The following TTN variants were observed in gnomAD, a reference collection of about 807,000 sequenced individuals.
TTN encodes connectin.
In TTN, 1,525 loss-of-function variants were observed where a neutral mutation model predicts 3,223.0. The ratio of observed to expected loss-of-function variants is 0.47; its 90% confidence interval spans 0.45 to 0.49. The LOEUF is 0.49. Among genes scored for constraint, TTN ranks in the 20% least tolerant of loss-of-function variants. The pLI is 0.00. For synonymous variants in TTN, 14,094 were observed against 15,161.0 expected (o/e 0.93, Z 5.17); for missense variants, 40,786 against 43,424.0 (o/e 0.94, Z 5.40).
chr2:178,764,419 G>T, intron 42 of TTN, 108 bp downstream of exon 42: 1 of 1,609,286 alleles, frequency 6.2e-7, no homozygotes, highest in Non-Finnish European at 8.5e-7. Flanking sequence ...AAGTTGGGTA[G>T]CAATCTACTT....
At position 178,569,334 on chromosome 2, in the gene TTN, C is replaced by G; in HGVS notation, c.76798G>C (p.Asp25600His). 6.2e-7 allele frequency: 1 copy of G among 1,613,356 alleles called. No homozygotes were observed. The highest frequency in any genetic ancestry group is 1.3e-5 in the African/African-American group (1 of 75,002). ...KSAFVTVRVL[D>H]TPSPPVNLKV... is the part of the protein sequence containing the mutation. ...AGGTTAACAGGTGGACTTGGCGTGT[C>G]CAGAACTCTCACAGTAACAAAGGCA... is the stretch of plus-strand genomic sequence containing the variant. Residue 25600 changes from aspartate (D) to histidine (H), a missense_variant, in exon 326 of 363, where the codon GAC becomes CAC. Physicochemically the swap from Asp to His is moderately conservative, Grantham distance 81. Coordinates refer to ENST00000589042, the MANE Select transcript of TTN (RefSeq NM_001267550.2).
In TTN at chr2:178,569,155, A is replaced by G. The variant is rs1575718147; in HGVS notation, c.76977T>C (p.Ser25659=). 6.2e-7 allele frequency: 1 copy of G among 1,613,386 alleles called. No individual in the cohort carries two copies. The highest frequency in any genetic ancestry group is 1.1e-5 in the South Asian group (1 of 90,998). ...CTTCTTGGAGCTGATCGATTTTCCA[A>G]GAATTCTTATGGCAGTTAGTTACAA... ...AAVVTNCHKN[S]WKIDQLQEGC... is the part of the protein sequence containing the mutation. Residue 25659 remains serine, a synonymous_variant, in exon 326 of 363, where the codon TCT becomes TCC. Transcript: ENST00000589042.
In TTN at chr2:178,529,227, AG is replaced by A; in HGVS notation, c.106532-9del. 1 of 1,452,702 alleles carries A rather than the reference AG, an allele frequency of 6.9e-7. No homozygotes were observed. Among genetic ancestry groups the A allele is most frequent in the South Asian group, 1.5e-5 (1 of 67,220 alleles). The allele number at this position is 1,452,702 out of a possible 1,614,324, so 90.0% of individuals were successfully genotyped here. Reference sequence around the variant, plus strand: ...CCTCAGTATCTTTTATAGCTAAAAAAGAAACCTCTGTAAGGCAAACTTAATT... The same window carrying A: ...CCTCAGTATCTTTTATAGCTAAAAAAAAACCTCTGTAAGGCAAACTTAATT... On this transcript the variant is annotated splice_polypyrimidine_tract_variant and intron_variant, in intron 359 of 362. Coordinates refer to ENST00000589042, the MANE Select transcript of TTN (RefSeq NM_001267550.2).
chr2:178,632,239 G>A lies in TTN; in HGVS notation c.43655C>T (p.Ser14552Leu), dbSNP rs1454698596. The change falls in exon 236 of 363, where the codon TCG becomes TTG. Residue 14552 changes from serine (S) to leucine (L), a missense_variant. Ser to Leu is a moderately radical substitution (Grantham distance 145). Coordinates refer to ENST00000589042, the MANE Select transcript of TTN (RefSeq NM_001267550.2). ...AATAGACAGGTCTTTGAATGTGATC[G>A]AATGAGTTTTCCCTTCGTCTTGCAT... ...VSMQDEGKTH[S>L]ITFKDLSIDD... 6 of 1,607,534 alleles carry A rather than the reference G, an allele frequency of 3.7e-6. No homozygotes were observed. The highest frequency in any genetic ancestry group is 2.7e-5 in the African/African-American group (2 of 74,762).
At chr2:178,703,333 T>G (rs2075324928) in intron 106 of TTN, among the ~76,000 whole-genome samples, 1 of 152,110 alleles carries the variant, frequency 6.6e-6, no homozygotes, top group South Asian at 2.1e-4. Context: ...AAGAATTATA[T>G]TAAAAATATC....
At position 178,730,640 on chromosome 2, in the gene TTN, A is replaced by G. The variant is rs752226947; in HGVS notation, c.17893T>C (p.Tyr5965His). 2.6e-5 allele frequency: 42 copies of G among 1,613,482 alleles called. No individual in the cohort carries two copies. The highest frequency in any genetic ancestry group is 3.1e-5 in the Non-Finnish European group (37 of 1,179,682). Residue 5965 changes from tyrosine to histidine, a missense_variant, in exon 61 of 363, where the codon TAC (tyrosine) becomes CAC (histidine). By Grantham distance (83) the Tyr-to-His change is moderately conservative (BLOSUM62 2). Transcript: ENST00000589042. ...DDQEISASEK[Y>H]KFSFHDNTAF... ...GTATTGTCATGAAAAGAGAATTTGTACTTTTCACTAGCTGATATTTCTTGG... is the reference window on the plus strand; with the variant it reads ...GTATTGTCATGAAAAGAGAATTTGTGCTTTTCACTAGCTGATATTTCTTGG...
Position 178,757,930 on chromosome 2 carries a change from T to C in TTN, c.10304-14A>G. 1 of 1,514,352 alleles carries C rather than the reference T, an allele frequency of 6.6e-7. No individual in the cohort carries two copies. The highest frequency in any genetic ancestry group is 8.8e-7 in the Non-Finnish European group (1 of 1,133,006). 93.8% of individuals were successfully genotyped at this position (1,514,352 alleles called of 1,614,324 possible). On this transcript the variant is annotated splice_polypyrimidine_tract_variant and intron_variant, in intron 44 of 362. Coordinates refer to ENST00000589042, the MANE Select transcript of TTN (RefSeq NM_001267550.2). ...ATTTGCTAAATCCTGAAAAGAAGCA[T>C]ACCAATTTTTAATGTCTTACCTTGC... is the stretch of plus-strand genomic sequence containing the variant.
At position 178,667,637 on chromosome 2, in the gene TTN, C is replaced by T. The variant is rs2066207463; in HGVS notation, c.35629+1G>A. ...CAGAGTGGATCATTGGTGTTATATA[C>T]CTTTTGCTAGTTTGGGTTTTGTCTT... On this transcript the variant is annotated splice_donor_variant, in intron 160 of 362. Transcript: ENST00000589042. LOFTEE classifies it high-confidence loss of function. The T allele has an allele frequency of 3.1e-6, 5 of 1,595,486 alleles. No homozygotes were observed. In the African/African-American group the frequency reaches 4.0e-5, roughly 13 times the overall value.
In TTN at chr2:178,757,812, G is replaced by C; in HGVS notation, c.10408C>G (p.Pro3470Ala). The change falls in exon 45 of 363, where the codon CCT (proline) becomes GCT (alanine). Residue 3470 changes from proline (P) to alanine (A), a missense_variant. By Grantham distance (27) the Pro-to-Ala change is conservative. Coordinates refer to ENST00000589042, the MANE Select transcript of TTN (RefSeq NM_001267550.2). ...TTGTGCACCCTGAGGCTTGACAGAG[G>C]CTGGATGAAGCTGGGCTTTTGGCCA... ...PLGQKPSFIQ[P>A]LSSLRVHNGE... 6.2e-7 allele frequency: 1 copy of C among 1,610,106 alleles called. No homozygotes were observed. Among genetic ancestry groups the C allele is most frequent in the Non-Finnish European group, 8.5e-7 (1 of 1,177,436 alleles).
intron 295 of TTN, 68 bp downstream of exon 295, chr2:178,595,439 T>C (rs2051296518): frequency 2.8e-6 from 4 of 1,447,928 alleles, no homozygotes; most frequent in East Asian, 2.5e-5. Flanking sequence ...ACACATATTT[T>C]TTCACCATAG....
Position 178,719,362 on chromosome 2 carries a change from C to G in TTN, c.24028G>C (p.Gly8010Arg). The G allele has an allele frequency of 1.2e-6, 2 of 1,613,766 alleles. No homozygotes were observed. Among genetic ancestry groups the G allele is most frequent in the African/African-American group, 1.3e-5 (1 of 75,014 alleles). Residue 8010 changes from glycine to arginine, a missense_variant, in exon 83 of 363, where the codon GGC becomes CGC. By Grantham distance (125) the Gly-to-Arg change is moderately radical. Transcript: ENST00000589042. ...ASVVLECRVSGSAPISVGWFQ... is the reference protein window; with the variant it reads ...ASVVLECRVSRSAPISVGWFQ... ...CAGCCAACTGAAATCGGGGCTGAGC[C>G]AGAGACTCGGCACTCCAAAACAACT... is the stretch of plus-strand genomic sequence containing the variant.
Position 178,679,403 on chromosome 2 carries a change from A to C in TTN, c.33678T>G (p.Pro11226=), listed in dbSNP as rs2068813074. The part of the protein sequence containing the change: ...EAPPAKVPEV[P]KKPEEKVPVL... ...CAGGAACTTTCTCCTCTGGCTTCTT[A>C]GGAACCTCAGGCACTTTAAAGATAT... Residue 11226 remains proline, a synonymous_variant, in exon 142 of 363, where the codon CCT becomes CCG. Coordinates refer to ENST00000589042, the MANE Select transcript of TTN (RefSeq NM_001267550.2). The C allele has an allele frequency of 1.9e-6, 3 of 1,612,676 alleles. No individual in the cohort carries two copies. The East Asian group carries it at 6.7e-5, about 36-fold the overall frequency.
chr2:178,618,412 T>TA lies in TTN; in HGVS notation c.47045dup (p.Leu15682PhefsTer3). ...CTATGATTTTGCTTCCACCATCAGT[T>TA]AAAGGTTCTTCCCAAGCAAGGCTCA... On this transcript the variant is annotated frameshift_variant, in exon 252 of 363. Transcript: ENST00000589042. LOFTEE classifies it high-confidence loss of function. 6.2e-7 allele frequency: 1 copy of TA among 1,612,498 alleles called. No individual in the cohort carries two copies. The highest frequency in any genetic ancestry group is 8.5e-7 in the Non-Finnish European group (1 of 1,179,114).
At position 178,712,901 on chromosome 2, in the gene TTN, C is replaced by T. The variant is rs766095051; in HGVS notation, c.27124G>A (p.Val9042Ile). Residue 9042 changes from valine to isoleucine, a missense_variant, in exon 94 of 363, where the codon GTA becomes ATA. Val to Ile is a conservative substitution (Grantham distance 29). Coordinates refer to ENST00000589042, the MANE Select transcript of TTN (RefSeq NM_001267550.2). ...ACACTGAAAGGAGGTGTTCCTTTTA[C>T]GATACTTGTGAAAGTTACATTGGTC... ...TGTNVTFTSI[V>I]KGTPPFSVSW... 2.6e-5 allele frequency: 42 copies of T among 1,613,310 alleles called. No homozygotes were observed. The highest frequency in any genetic ancestry group is 1.8e-4 in the South Asian group (16 of 90,966).
chr2:178,685,060 A>G, intron 129 of TTN, 71 bp from the exon 130 acceptor site: 1 of 1,339,514 alleles, frequency 7.5e-7, no homozygotes, highest in Non-Finnish European at 1.0e-6. Flanking sequence ...GGGGCTTAGC[A>G]TTCACTTTTT....
At chr2:178,551,500 A>G in intron 335 of TTN, 130 bp downstream of exon 335, 1 of 856,604 alleles carries the variant, frequency 1.2e-6, no homozygotes, top group Non-Finnish European at 1.7e-6. Flanking sequence ...CTCTTGCTTT[A>G]CATGACCAGT....
Position 178,561,688 on chromosome 2 carries a change from T to G in TTN, c.84444A>C (p.Ala28148=). Residue 28148 remains alanine, a synonymous_variant, in exon 326 of 363, where the codon GCA becomes GCC. Coordinates refer to ENST00000589042, the MANE Select transcript of TTN (RefSeq NM_001267550.2). ...GACCTGGGGGACTGAATGGATACTC[T>G]GCAACAACAGCTGAAGATTCACTGT... ...SSYSESSAVV[A]EYPFSPPGPP... is the part of the protein sequence containing the mutation. The G allele has an allele frequency of 6.2e-7, 1 of 1,607,650 alleles. No homozygotes were observed.
At chr2:178,597,883 G>A in intron 293 of TTN, 25 bp downstream of exon 293, 1 of 1,612,748 alleles carries the variant, frequency 6.2e-7, no homozygotes, top group Non-Finnish European at 8.5e-7. Context: ...AAATACTGAT[G>A]GCATAAGGAA....
Position 178,567,993 on chromosome 2 carries a change from C to T in TTN, c.78139G>A (p.Asp26047Asn), listed in dbSNP as rs1315662301. 2.5e-6 allele frequency: 4 copies of T among 1,613,478 alleles called. No individual in the cohort carries two copies. The South Asian group carries it at 4.4e-5, about 18-fold the overall frequency. ...WTKVNKTIIH[D>N]TQFKAQNLEE... ...AGATTCTGTGCTTTGAATTGGGTGT[C>T]ATGAATAATAGTTTTGTTGACCTTT... The change falls in exon 326 of 363, where the codon GAC (aspartate) becomes AAC (asparagine). Residue 26047 changes from aspartate (D) to asparagine (N), a missense_variant. Asp to Asn is a conservative substitution (Grantham distance 23). Coordinates refer to ENST00000589042, the MANE Select transcript of TTN (RefSeq NM_001267550.2).
Sources: gnomAD v4.1 joint callset for allele counts (sites outside exome capture counted in the v4.1 genomes callset) on GRCh38, gnomAD v4.1.1 for gene constraint, MANE v1.5 for transcripts, NCBI Gene and HGNC (gene_info 2026-07-23, HGNC 2026-07-21) for gene names.